Variants in ACSL5 observed in about 807,000 individuals in gnomAD.
The protein encoded by ACSL5 is long-chain-fatty-acid--CoA ligase 5.
Under a neutral mutation model 84.9 loss-of-function variants are expected in ACSL5, and 50 were observed. That is an observed-to-expected ratio of 0.59 (90% CI 0.47 to 0.75). ACSL5 has a LOEUF of 0.75. ACSL5 is among the 30% of genes least tolerant of loss of function. The probability of loss-of-function intolerance (pLI) is 0.00; values close to 1 mark genes in which losing one functional copy is unlikely to be tolerated. For missense variants in ACSL5, 775 were observed against 830.4 expected (o/e 0.93, Z 0.82); for synonymous variants, 280 against 300.7 (o/e 0.93, Z 0.71).
chr10:112,416,771 CTG>C, intron 12 of ACSL5, 115 bp from the exon 13 acceptor site: 1 of 1,135,332 alleles, frequency 8.8e-7, no homozygotes, highest in Non-Finnish European at 1.3e-6. Flanking sequence ...CAATTCATGA[CTG>C]TGAGACTGTG....
chr10:112,374,951 G>A (rs1195500030), intron 1 of ACSL5, among the ~76,000 whole-genome samples: 2 of 152,048 alleles, frequency 1.3e-5, no homozygotes, highest in African/African-American at 4.8e-5. Flanking sequence ...TCCTGAGGGT[G>A]TCACTCATGT....
intron 14 of ACSL5, chr10:112,420,006 G>A (rs1203312598): frequency 1.3e-5 from 2 of 152,164 alleles, no homozygotes; most frequent in Non-Finnish European, 1.5e-5. Context: ...TGCAGAGCAT[G>A]AACAAAACAG....
At chr10:112,411,648 G>T in intron 10 of ACSL5, 119 bp downstream of exon 10, 2 of 857,908 alleles carry the variant, frequency 2.3e-6, no homozygotes, top group South Asian at 1.7e-5. Context: ...ACACACACAC[G>T]TTAAAGGCTG....
Position 112,410,625 on chromosome 10 carries a change from T to C in ACSL5, c.786T>C (p.Ser262=). Residue 262 remains serine (S), a synonymous_variant, in exon 9 of 21, where the codon AGT becomes AGC. Coordinates refer to ENST00000354655, the MANE Select transcript of ACSL5 (RefSeq NM_203379.2). The stretch of plus-strand genomic sequence containing the variant: ...ACCTGAGCGTCATCTGCTTCACCAG[T>C]GGGACCACAGGTCTGTGCCCATGAA... ...PEDLSVICFT[S]GTTGDPKGAM... is the part of the protein sequence containing the mutation. 6.2e-7 allele frequency: 1 copy of C among 1,613,614 alleles called. No individual in the cohort carries two copies. The highest frequency in any genetic ancestry group is 1.3e-5 in the African/African-American group (1 of 75,002).
At chr10:112,382,049 G>A (rs1849361538) in intron 1 of ACSL5, among the ~76,000 whole-genome samples, 2 of 152,176 alleles carry the variant, frequency 1.3e-5, no homozygotes, top group Admixed American at 1.3e-4. Context: ...TGGCTGCCTG[G>A]GGAATTGGCT....
Position 112,415,230 on chromosome 10 carries a change from C to T in ACSL5, c.1084-1658C>T, listed in dbSNP as rs763023227. ...TGTTTTTGTTTTTGAGACGGAGTCT[C>T]GCTCTGTCGCCCAGGCTGGAGTGCA... is the stretch of plus-strand genomic sequence containing the variant. On this transcript the variant is annotated intron_variant, in intron 12 of 20. Transcript: ENST00000354655. Among the ~76,000 whole-genome samples, 3 of 151,982 alleles carry T rather than the reference C, an allele frequency of 2.0e-5. No homozygotes were observed. In the East Asian group the frequency reaches 5.8e-4, roughly 29 times the overall value.
chr10:112,417,911 G>A lies in ACSL5; in HGVS notation c.1284G>A (p.Met428Ile), dbSNP rs1844356981. ...TGAAPMSTSV[M>I]TFFRAAMGCQ... Reference sequence around the variant, plus strand: ...CTGCCCCCATGTCCACTTCAGTCATGACATTCTTCCGGGCAGCAATGGGAT... The same window carrying A: ...CTGCCCCCATGTCCACTTCAGTCATAACATTCTTCCGGGCAGCAATGGGAT... Residue 428 changes from methionine (M) to isoleucine (I), a missense_variant, in exon 14 of 21, where the codon ATG becomes ATA. Coordinates refer to ENST00000354655, the MANE Select transcript of ACSL5 (RefSeq NM_203379.2). 6.2e-7 allele frequency: 1 copy of A among 1,612,384 alleles called. No individual in the cohort carries two copies. Among genetic ancestry groups the A allele is most frequent in the African/African-American group, 1.3e-5 (1 of 74,790 alleles).
intron 3 of ACSL5, among the ~76,000 whole-genome samples, chr10:112,401,784 T>TTCTCTCTC (rs552983651): frequency 2.3e-4 from 29 of 127,910 alleles, no homozygotes; most frequent in Admixed American, 7.6e-4. Context: ...TTTTCTTTCT[T>TTCTCTCTC]TCTCTTTCTT....
intron 1 of ACSL5, among the ~76,000 whole-genome samples, chr10:112,377,694 C>G (rs1373452632): frequency 6.6e-6 from 1 of 152,164 alleles, no homozygotes; most frequent in Non-Finnish European, 1.5e-5. Flanking sequence ...AGGTTAAACA[C>G]AGAACATGTC....
chr10:112,425,255 A>G (rs1299666251), intron 17 of ACSL5, 83 bp from the exon 18 acceptor site: 2 of 1,269,174 alleles, frequency 1.6e-6, no homozygotes, highest in Non-Finnish European at 1.1e-6. Flanking sequence ...TAGAGAAGAA[A>G]GATGACTGTG....
In ACSL5 at chr10:112,394,904, G is replaced by GTT. The variant is rs144016944; in HGVS notation, c.-29-5_-29-4dup. The GTT allele has an allele frequency of 1.4e-5, 19 of 1,344,258 alleles. No homozygotes were observed. The highest frequency in any genetic ancestry group is 1.6e-5 in the Non-Finnish European group (16 of 975,686). The allele number at this position is 1,344,258 out of a possible 1,614,324, so 83.3% of individuals were successfully genotyped here. A position where few individuals can be genotyped will look rare whatever the true frequency, so the allele number is the denominator to read the frequency against. The stretch of plus-strand genomic sequence containing the variant: ...ATTTCCTCTAAATTTTCTTTCCCCT[G>GTT]TTTTTTTTTTAAGGTCTGAATTTCC... On this transcript the variant is annotated splice_polypyrimidine_tract_variant and intron_variant, in intron 1 of 20. Coordinates refer to ENST00000354655, the MANE Select transcript of ACSL5 (RefSeq NM_203379.2).
chr10:112,404,543 A>C lies in ACSL5; in HGVS notation c.298A>C (p.Asn100His), dbSNP rs371988236. Residue 100 changes from asparagine to histidine, a missense_variant, in exon 4 of 21, where the codon AAC (asparagine) becomes CAC (histidine). Transcript: ENST00000354655. ...GCCCTGCTTGGGATATAGAAAACCA[A>C]ACCAGCCCTACAGATGGCTATCTTA... Reference protein sequence around the residue: ...NGPCLGYRKPNQPYRWLSYKQ... With the variant: ...NGPCLGYRKPHQPYRWLSYKQ... The C allele has an allele frequency of 3.1e-6, 5 of 1,613,804 alleles. No individual in the cohort carries two copies. The African/African-American group carries it at 6.7e-5, about 22-fold the overall frequency.
At chr10:112,405,560 T>C (rs1191174682) in intron 5 of ACSL5, among the ~76,000 whole-genome samples, 1 of 152,174 alleles carries the variant, frequency 6.6e-6, no homozygotes, top group East Asian at 1.9e-4. Context: ...TTTAGGTGAA[T>C]CTGCATACTC....
At chr10:112,421,877 A>G in intron 15 of ACSL5, 70 bp from the exon 16 acceptor site, 5 of 1,497,930 alleles carry the variant, frequency 3.3e-6, no homozygotes, top group Non-Finnish European at 4.7e-6. Flanking sequence ...ATTCATAAAT[A>G]TCTTAGAAAT....
chr10:112,401,855 CCTTT>C (rs1187153911), intron 3 of ACSL5, among the ~76,000 whole-genome samples: 1,888 of 97,342 alleles, frequency 0.019, 29 homozygotes, highest in African/African-American at 0.045. Context: ...TTCCTTCCTT[CCTTT>C]CTTTCTTTCT....
chr10:112,421,932 C>A lies in ACSL5; in HGVS notation c.1388-15C>A, dbSNP rs1343840446. The A allele has an allele frequency of 6.2e-7, 1 of 1,612,862 alleles. No homozygotes were observed. Among genetic ancestry groups the A allele is most frequent in the South Asian group, 1.1e-5 (1 of 91,044 alleles). On this transcript the variant is annotated splice_polypyrimidine_tract_variant and intron_variant, in intron 15 of 20. Coordinates refer to ENST00000354655, the MANE Select transcript of ACSL5 (RefSeq NM_203379.2). ...TGCAAGAGTTTCTCAGCTAATTCAG[C>A]ACGGTATGTTCTAGGTCACGTTGGG...
intron 13 of ACSL5, 22 bp downstream of exon 13, chr10:112,417,044 C>G: frequency 1.2e-6 from 2 of 1,607,552 alleles, no homozygotes; most frequent in Middle Eastern, 1.7e-4. Context: ...AGGTCCTGGA[C>G]TGAAGCAGGC....
At chr10:112,390,601 T>C (rs1206172026) in intron 1 of ACSL5, among the ~76,000 whole-genome samples, 3 of 152,126 alleles carry the variant, frequency 2.0e-5, no homozygotes, top group African/African-American at 7.2e-5. Flanking sequence ...ATAGCTTTGT[T>C]CACAATATCA....
intron 18 of ACSL5, 183 bp downstream of exon 18, chr10:112,425,664 A>G: frequency 1.9e-6 from 1 of 528,642 alleles, no homozygotes; most frequent in South Asian, 3.9e-5. Context: ...AAAAAATTTC[A>G]AAACTATGAT....
Sources: allele counts gnomAD v4.1 joint callset (sites outside exome capture counted in the v4.1 genomes callset), GRCh38; gene constraint gnomAD v4.1.1; transcripts MANE v1.5; gene names NCBI Gene and HGNC (gene_info 2026-07-23, HGNC 2026-07-21).